Variants in EYS observed in about 807,000 individuals in gnomAD.
EYS encodes protein eyes shut homolog.
In EYS, 250 loss-of-function variants were observed where a neutral mutation model predicts 282.1. The observed-to-expected ratio is 0.89, with a 90% CI of 0.80 to 0.98. The LOEUF is 0.98. Among genes scored for constraint, EYS ranks in the 50% least tolerant of loss-of-function variants. The pLI is 0.00. For missense variants in EYS, 4,016 were observed against 3,709.0 expected, an observed-to-expected ratio of 1.08 and a Z score of -2.15; for synonymous variants, 1,355 against 1,282.9, an observed-to-expected ratio of 1.06 and a Z score of -1.20.
intron 12 of EYS, among the ~76,000 whole-genome samples, chr6:65,259,013 A>C (rs1767545898): frequency 2.0e-5 from 3 of 152,080 alleles, no homozygotes; most frequent in Admixed American, 1.3e-4. Context: ...TTACTTCTGA[A>C]TATCTGATAA....
chr6:64,133,577 G>A (rs1027820524), intron 31 of EYS, among the ~76,000 whole-genome samples: 3 of 151,190 alleles, frequency 2.0e-5, no homozygotes, highest in South Asian at 2.1e-4. Context: ...TACAGAGATC[G>A]ATTTATATTT....
chr6:65,236,483 C>A (rs186169965), intron 12 of EYS, among the ~76,000 whole-genome samples: 3 of 151,936 alleles, frequency 2.0e-5, no homozygotes, highest in Admixed American at 6.6e-5. Flanking sequence ...TGGTGGTGCA[C>A]GCTTGTTTTC....
intron 33 of EYS, among the ~76,000 whole-genome samples, chr6:64,003,776 G>A (rs1768208205): frequency 6.6e-6 from 1 of 152,184 alleles, no homozygotes; most frequent in Admixed American, 6.5e-5. Context: ...ATTGAATCAT[G>A]GAGGTGGTTA....
chr6:64,845,372 T>C (rs1765687870), intron 19 of EYS, among the ~76,000 whole-genome samples: 1 of 152,158 alleles, frequency 6.6e-6, no homozygotes, highest in Non-Finnish European at 1.5e-5. Context: ...CTAAACATAC[T>C]AAGTTTCCTT....
At chr6:64,045,185 A>G (rs1269973217) in intron 33 of EYS, among the ~76,000 whole-genome samples, 1 of 152,050 alleles carries the variant, frequency 6.6e-6, no homozygotes. Flanking sequence ...GGCTACAGGC[A>G]CTTGCCATCT....
intron 36 of EYS, among the ~76,000 whole-genome samples, chr6:63,835,812 A>G (rs1036291098): frequency 6.6e-6 from 1 of 152,144 alleles, no homozygotes; most frequent in Non-Finnish European, 1.5e-5. Flanking sequence ...TCTAACTTTG[A>G]CATAATAGAA....
chr6:65,627,611 G>T (rs1398205713), intron 2 of EYS, among the ~76,000 whole-genome samples: 1 of 152,172 alleles, frequency 6.6e-6, no homozygotes, highest in Non-Finnish European at 1.5e-5. Flanking sequence ...CCGGGTGGGC[G>T]TGGTCTTGGC....
chr6:65,309,720 T>C (rs1342962475), intron 11 of EYS, among the ~76,000 whole-genome samples: 1 of 152,182 alleles, frequency 6.6e-6, no homozygotes, highest in Non-Finnish European at 1.5e-5. Context: ...CCCATCTCAG[T>C]TAATAGCAAC....
chr6:63,953,885 C>A (rs1403720185), intron 35 of EYS, among the ~76,000 whole-genome samples: 1 of 152,142 alleles, frequency 6.6e-6, no homozygotes, highest in Non-Finnish European at 1.5e-5. Context: ...TTAGCGTAGC[C>A]CTCATGTCTG....
At chr6:64,780,367 G>GA in intron 22 of EYS, among the ~76,000 whole-genome samples, 1 of 152,134 alleles carries the variant, frequency 6.6e-6, no homozygotes, top group Non-Finnish European at 1.5e-5. Flanking sequence ...TACTACTGAA[G>GA]AAAGAATTAT....
At chr6:64,601,800 A>T (rs1310981252) in intron 24 of EYS, among the ~76,000 whole-genome samples, 1 of 152,082 alleles carries the variant, frequency 6.6e-6, no homozygotes, top group Non-Finnish European at 1.5e-5. Flanking sequence ...TCTCAACCTA[A>T]CCTGACCCTG....
intron 7 of EYS, among the ~76,000 whole-genome samples, chr6:65,391,898 T>A (rs995659355): frequency 2.6e-5 from 4 of 152,158 alleles, no homozygotes; most frequent in African/African-American, 9.7e-5. Flanking sequence ...GCTGGAGGCA[T>A]CACGCTACCT....
At chr6:65,173,582 G>A (rs1043158480) in intron 12 of EYS, among the ~76,000 whole-genome samples, 3 of 150,650 alleles carry the variant, frequency 2.0e-5, no homozygotes, top group Admixed American at 1.3e-4. Context: ...GGCAATGATG[G>A]GATTATATAA....
intron 26 of EYS, among the ~76,000 whole-genome samples, chr6:64,514,545 A>G (rs896681127): frequency 2.0e-5 from 3 of 151,908 alleles, no homozygotes; most frequent in Admixed American, 6.6e-5. Flanking sequence ...GGTTTGAGAA[A>G]TTATTAATAG....
intron 12 of EYS, among the ~76,000 whole-genome samples, chr6:65,267,502 G>T (rs1767789620): frequency 6.6e-6 from 1 of 151,900 alleles, no homozygotes; most frequent in Non-Finnish European, 1.5e-5. Context: ...TTTCCATGGG[G>T]TTTCACCCTA....
At chr6:64,636,277 A>G (rs554872781) in intron 22 of EYS, among the ~76,000 whole-genome samples, 1 of 152,302 alleles carries the variant, frequency 6.6e-6, no homozygotes, top group African/African-American at 2.4e-5. Flanking sequence ...GCCCTCAGAA[A>G]TAATGCCACA....
intron 31 of EYS, among the ~76,000 whole-genome samples, chr6:64,170,680 C>G (rs1764452555): frequency 6.6e-6 from 1 of 150,780 alleles, no homozygotes; most frequent in African/African-American, 2.4e-5. Flanking sequence ...CACTTTCTTA[C>G]ATCTGCAAAG....
intron 12 of EYS, among the ~76,000 whole-genome samples, chr6:65,206,754 A>C (rs1766046072): frequency 1.3e-5 from 2 of 151,938 alleles, no homozygotes; most frequent in South Asian, 4.1e-4. Context: ...CACCACATAC[A>C]CCAAATTAAA....
chr6:65,051,982 T>C (rs1260071467), intron 13 of EYS, among the ~76,000 whole-genome samples: 1 of 151,574 alleles, frequency 6.6e-6, no homozygotes, highest in Non-Finnish European at 1.5e-5. Flanking sequence ...ACTTCATTGG[T>C]AAGTAAGACA....
Sources: gnomAD v4.1 joint callset for allele counts (sites outside exome capture counted in the v4.1 genomes callset) on GRCh38, gnomAD v4.1.1 for gene constraint, MANE v1.5 for transcripts, NCBI Gene and HGNC (gene_info 2026-07-23, HGNC 2026-07-21) for gene names.